Variants in ARHGAP42 observed in about 807,000 individuals in gnomAD.
The protein encoded by ARHGAP42 is rho GTPase-activating protein 42.
ARHGAP42 carries 63 observed loss-of-function variants against 125.0 expected under a neutral mutation model. The ratio of observed to expected loss-of-function variants is 0.50; its 90% CI spans 0.41 to 0.62. ARHGAP42 has a LOEUF of 0.62. ARHGAP42 is among the 20% of genes least tolerant of loss of function. The pLI is 0.00. For missense variants in ARHGAP42, 766 were observed against 1,024.2 expected, an observed-to-expected ratio of 0.75 and a Z score of 3.44; for synonymous variants, 339 against 351.0, an observed-to-expected ratio of 0.97 and a Z score of 0.38.
Position 100,989,770 on chromosome 11 carries a change from A to T in ARHGAP42, c.*969A>T, listed in dbSNP as rs1858783982. ...TGTAAAGTGTCAAAGTATTTTAATG[A>T]TAATTTAATTTGGGCTTTTGAAATG... On this transcript the variant is annotated 3_prime_UTR_variant, in exon 24 of 24. Transcript: ENST00000298815. The T allele has an allele frequency of 6.6e-6, 1 of 152,234 alleles. No individual in the cohort carries two copies. 9.4% of individuals were successfully genotyped at this position (152,234 alleles called of 1,614,324 possible). A position where few individuals can be genotyped will look rare whatever the true frequency, so the allele number is the denominator to read the frequency against.
intron 12 of ARHGAP42, among the ~76,000 whole-genome samples, chr11:100,955,466 A>G (rs189106635): frequency 1.3e-5 from 2 of 152,252 alleles, no homozygotes; most frequent in African/African-American, 4.8e-5. Context: ...GAAAGTGTTC[A>G]CAAATGTAGC....
chr11:100,826,765 C>A (rs532052884), intron 3 of ARHGAP42, among the ~76,000 whole-genome samples: 44 of 152,218 alleles, frequency 2.9e-4, no homozygotes, highest in African/African-American at 9.9e-4. Context: ...GCTCATGTCA[C>A]CCCTGTCTCT....
chr11:100,884,071 C>A (rs1024373159), intron 4 of ARHGAP42, among the ~76,000 whole-genome samples: 7 of 152,082 alleles, frequency 4.6e-5, no homozygotes, highest in African/African-American at 1.7e-4. Context: ...AGTGGATTTT[C>A]CCCCACTCAT....
intron 22 of ARHGAP42, among the ~76,000 whole-genome samples, chr11:100,982,001 C>A (rs1318553658): frequency 6.6e-6 from 1 of 152,152 alleles, no homozygotes; most frequent in Non-Finnish European, 1.5e-5. Flanking sequence ...AACCAGGAGA[C>A]AGCATGGAGT....
At chr11:100,692,397 A>C (rs1185954139) in intron 1 of ARHGAP42, among the ~76,000 whole-genome samples, 1 of 152,228 alleles carries the variant, frequency 6.6e-6, no homozygotes, top group African/African-American at 2.4e-5. Context: ...ACTTGTCAGC[A>C]ACATTTAGTT....
intron 4 of ARHGAP42, among the ~76,000 whole-genome samples, chr11:100,871,915 G>A (rs564833762): frequency 1.3e-5 from 2 of 152,272 alleles, no homozygotes; most frequent in Non-Finnish European, 2.9e-5. Context: ...AGCTAATTTT[G>A]TATTTTTAGT....
At chr11:100,917,348 T>A (rs1483868534) in intron 5 of ARHGAP42, among the ~76,000 whole-genome samples, 1 of 152,100 alleles carries the variant, frequency 6.6e-6, no homozygotes, top group East Asian at 1.9e-4. Flanking sequence ...TGAAACCTCT[T>A]CTACTTTCAC....
chr11:100,886,120 A>G (rs777430764), intron 4 of ARHGAP42, among the ~76,000 whole-genome samples: 1 of 152,216 alleles, frequency 6.6e-6, no homozygotes, highest in Non-Finnish European at 1.5e-5. Context: ...ACCTTGGGCA[A>G]GTCAACATCA....
At chr11:100,688,004 TTTAC>T in intron 1 of ARHGAP42, 172 bp downstream of exon 1, 1 of 644,418 alleles carries the variant, frequency 1.6e-6, no homozygotes, top group Non-Finnish European at 2.5e-6. Context: ...TGAGGTGTTC[TTTAC>T]TTACTCACAT....
intron 1 of ARHGAP42, among the ~76,000 whole-genome samples, chr11:100,709,666 C>T (rs1474346677): frequency 6.6e-6 from 1 of 152,184 alleles, no homozygotes; most frequent in Non-Finnish European, 1.5e-5. Flanking sequence ...TTTCTCGCTT[C>T]TGCATATTTT....
chr11:100,844,175 G>A (rs1330485834), intron 3 of ARHGAP42, among the ~76,000 whole-genome samples: 2 of 151,946 alleles, frequency 1.3e-5, no homozygotes, highest in Non-Finnish European at 2.9e-5. Context: ...CTTTGACAAA[G>A]CAAACAAAAA....
chr11:100,967,318 A>G (rs1236461655), intron 17 of ARHGAP42, among the ~76,000 whole-genome samples: 2 of 152,206 alleles, frequency 1.3e-5, no homozygotes, highest in Admixed American at 6.5e-5. Flanking sequence ...ATTCTCAACT[A>G]AATTTAAATA....
chr11:100,735,006 A>C (rs968637574), intron 1 of ARHGAP42, among the ~76,000 whole-genome samples: 2 of 149,110 alleles, frequency 1.3e-5, no homozygotes, highest in African/African-American at 5.2e-5. Flanking sequence ...ACAACAAAAC[A>C]ACAACAACAA....
chr11:100,789,696 T>A (rs1167443083), intron 2 of ARHGAP42, among the ~76,000 whole-genome samples: 2 of 152,226 alleles, frequency 1.3e-5, no homozygotes, highest in Non-Finnish European at 2.9e-5. Context: ...TGAGTCATGC[T>A]GCACTGGAAG....
intron 22 of ARHGAP42, among the ~76,000 whole-genome samples, chr11:100,980,381 T>A (rs1260096395): frequency 1.3e-5 from 2 of 151,924 alleles, no homozygotes; most frequent in South Asian, 2.1e-4. Flanking sequence ...GGAGCCCTTT[T>A]ATTAGGAAGC....
At chr11:100,929,063 G>A (rs1023518882) in intron 6 of ARHGAP42, among the ~76,000 whole-genome samples, 5 of 151,900 alleles carry the variant, frequency 3.3e-5, no homozygotes, top group Middle Eastern at 3.2e-3. Flanking sequence ...ATAAACCAGC[G>A]GTCCCCAACC....
intron 4 of ARHGAP42, among the ~76,000 whole-genome samples, chr11:100,862,310 G>A (rs1443263194): frequency 6.6e-6 from 1 of 151,994 alleles, no homozygotes; most frequent in African/African-American, 2.4e-5. Flanking sequence ...TTCATCAATG[G>A]TGTTTTTATA....
chr11:100,882,699 C>T (rs981485915), intron 4 of ARHGAP42, among the ~76,000 whole-genome samples: 90 of 151,950 alleles, frequency 5.9e-4, no homozygotes, highest in African/African-American at 2.0e-3. Context: ...AATGCCTGAT[C>T]GAATTCAACT....
chr11:100,958,556 T>C lies in ARHGAP42; in HGVS notation c.1163-1327T>C, dbSNP rs530260958. Among the ~76,000 whole-genome samples, 25 of 152,182 alleles carry C rather than the reference T, an allele frequency of 1.6e-4. 1 individual carries two copies. Among genetic ancestry groups the C allele is most frequent in the African/African-American group, 5.1e-4 (21 of 41,558 alleles). On this transcript the variant is annotated intron_variant, in intron 12 of 23. Coordinates refer to ENST00000298815, the MANE Select transcript of ARHGAP42 (RefSeq NM_152432.4). ...ACATATATATACACACATATATATATATTTTTCAAAATGTCAAATAATCCC... is the reference window on the plus strand; with the variant it reads ...ACATATATATACACACATATATATACATTTTTCAAAATGTCAAATAATCCC...
Sources: gnomAD v4.1 joint callset for allele counts (sites outside exome capture counted in the v4.1 genomes callset) on GRCh38, gnomAD v4.1.1 for gene constraint, MANE v1.5 for transcripts, NCBI Gene and HGNC (gene_info 2026-07-23, HGNC 2026-07-21) for gene names.